The following MDGA1 variants were observed in gnomAD, a reference collection of about 807,000 sequenced individuals.
The protein encoded by MDGA1 is MAM domain containing glycosylphosphatidylinositol anchor 1, also known as MAM domain-containing glycosylphosphatidylinositol anchor protein 1.
MDGA1 carries 54 observed loss-of-function variants against 101.5 expected under a neutral mutation model. The observed-to-expected ratio is 0.53, with a 90% CI of 0.43 to 0.67. MDGA1 has a LOEUF of 0.67. Ranked by LOEUF, MDGA1 falls within the 30% of genes least tolerant of loss-of-function variation. The pLI, the probability that MDGA1 is intolerant of heterozygous loss-of-function variation, is 0.00. For synonymous variants in MDGA1, 533 were observed against 558.3 expected, an observed-to-expected ratio of 0.95 and a Z score of 0.64; for missense variants, 1,083 against 1,323.8, an observed-to-expected ratio of 0.82 and a Z score of 2.82.
intron 8 of MDGA1, 74 bp from the exon 9 acceptor site, chr6:37,649,340 A>G: frequency 7.1e-7 from 1 of 1,406,974 alleles, no homozygotes; most frequent in Non-Finnish European, 9.2e-7. Flanking sequence ...GTGGGGAGGC[A>G]ACGCGCTCGC....
intron 3 of MDGA1, among the ~76,000 whole-genome samples, chr6:37,657,829 G>A (rs1420410166): frequency 6.6e-6 from 1 of 152,162 alleles, no homozygotes; most frequent in East Asian, 1.9e-4. Context: ...AGTAAGGAGG[G>A]AAATCTCAGA....
At chr6:37,647,917 G>C (rs1251997677) in intron 9 of MDGA1, among the ~76,000 whole-genome samples, 1 of 152,176 alleles carries the variant, frequency 6.6e-6, no homozygotes, top group African/African-American at 2.4e-5. Flanking sequence ...GGGCCACTTA[G>C]TCAGTTGGGT....
rs184521808 is a variant in MDGA1, at chr6:37,647,368, G to A, written c.1895-44C>T. 33 of 1,317,598 alleles carry A rather than the reference G, an allele frequency of 2.5e-5. No individual in the cohort carries two copies. The East Asian group carries it at 8.5e-4, about 34-fold the overall frequency. 81.6% of individuals were successfully genotyped at this position (1,317,598 alleles called of 1,614,324 possible). A position where few individuals can be genotyped will look rare whatever the true frequency, so the allele number is the denominator to read the frequency against. ...GGGCATTGGGCCGTGGAGGGTGCAG[G>A]GGAGACACAAAGAGAGGAGGTGTGG... On this transcript the variant is annotated intron_variant, in intron 9 of 16. Coordinates refer to ENST00000434837, the MANE Select transcript of MDGA1 (RefSeq NM_153487.4).
At chr6:37,665,074 T>C (rs1761717451) in intron 1 of MDGA1, among the ~76,000 whole-genome samples, 1 of 152,162 alleles carries the variant, frequency 6.6e-6, no homozygotes, top group Non-Finnish European at 1.5e-5. Context: ...AGGGCTGAGC[T>C]GTGGCCCAGG....
chr6:37,668,069 AGT>A (rs371113588), intron 1 of MDGA1, among the ~76,000 whole-genome samples: 1 of 151,974 alleles, frequency 6.6e-6, no homozygotes, highest in South Asian at 2.1e-4. Context: ...TGGGCAACAT[AGT>A]GAGGCTCTGT....
Position 37,638,614 on chromosome 6 carries a change from C to T in MDGA1, c.2590G>A (p.Ala864Thr), listed in dbSNP as rs376783889. Reference sequence around the variant, plus strand: ...CCCTTATTGCCACTGAGAGACCAGGCGTGCGTGTCCAGAGCCCCTTTGTTC... The same window carrying T: ...CCCTTATTGCCACTGAGAGACCAGGTGTGCGTGTCCAGAGCCCCTTTGTTC... ...SRNKGALDTH[A>T]WSLSGNKGNV... The change falls in exon 15 of 17, where the codon GCC (alanine) becomes ACC (threonine). Residue 864 changes from alanine (A) to threonine (T), a missense_variant. By Grantham distance (58) the Ala-to-Thr change is moderately conservative (BLOSUM62 0). This residue lies in a region of MDGA1 where 657 missense variants were observed against 771.4 expected (regional missense o/e 0.85). Transcript: ENST00000434837. The surrounding 1 kb of genome is among the most constrained non-coding windows in gnomAD (Gnocchi z 4.8). The T allele has an allele frequency of 2.9e-4, 469 of 1,613,976 alleles. No individual in the cohort carries two copies. Among genetic ancestry groups the T allele is most frequent in the South Asian group, 4.5e-4 (41 of 91,084 alleles).
chr6:37,655,618 T>A lies in MDGA1; in HGVS notation c.579+82A>T. ...AATAGAATTGTTGAAGTCAAGGCAG[T>A]CCCAAAAACTCAGCCCCATGCCCCC... On this transcript the variant is annotated intron_variant, in intron 4 of 16. Coordinates refer to ENST00000434837, the MANE Select transcript of MDGA1 (RefSeq NM_153487.4). The surrounding 1 kb of genome is among the most constrained non-coding windows in gnomAD (Gnocchi z 5.1). 1 of 1,044,340 alleles carries A rather than the reference T, an allele frequency of 9.6e-7. No individual in the cohort carries two copies. Among genetic ancestry groups the A allele is most frequent in the Non-Finnish European group, 1.4e-6 (1 of 722,250 alleles). The allele number at this position is 1,044,340 out of a possible 1,614,324, so 64.7% of individuals were successfully genotyped here. A position where few individuals can be genotyped will look rare whatever the true frequency, so the allele number is the denominator to read the frequency against.
At chr6:37,659,127 C>T (rs558233278) in intron 2 of MDGA1, among the ~76,000 whole-genome samples, 2 of 152,296 alleles carry the variant, frequency 1.3e-5, no homozygotes, top group East Asian at 3.9e-4. Context: ...AGTAGATCCT[C>T]CAGTCTCAGT....
chr6:37,644,301 T>C (rs887107192), intron 13 of MDGA1, among the ~76,000 whole-genome samples, 196 bp downstream of exon 13: 2 of 151,936 alleles, frequency 1.3e-5, no homozygotes, highest in Non-Finnish European at 1.5e-5. Context: ...TCCCTGAGGA[T>C]GGGGCTGTGT....
At chr6:37,678,139 C>G (rs187431848) in intron 1 of MDGA1, among the ~76,000 whole-genome samples, 2 of 152,174 alleles carry the variant, frequency 1.3e-5, no homozygotes, top group East Asian at 1.9e-4. Flanking sequence ...ACTTTCACTG[C>G]CCCCCAGTAC....
rs1191718814 is a variant in MDGA1, at chr6:37,655,344, AG to A, written c.579+355del. The A allele has an allele frequency of 3.0e-6, 1 of 332,292 alleles. No individual in the cohort carries two copies. The highest frequency in any genetic ancestry group is 2.1e-5 in the African/African-American group (1 of 48,204). The allele number at this position is 332,292 out of a possible 1,614,324, so 20.6% of individuals were successfully genotyped here. ...CCTGGGACTATCAGGGCCCATGGGA[AG>A]AGGAGTCATCTCCTCGCCCCCAGAT... On this transcript the variant is annotated intron_variant, in intron 4 of 16. Transcript: ENST00000434837. The surrounding 1 kb of genome is among the most constrained non-coding windows in gnomAD (Gnocchi z 5.1).
At chr6:37,656,077 C>CTT (rs11396919) in intron 3 of MDGA1, among the ~76,000 whole-genome samples, 181 bp from the exon 4 acceptor site, 1,606 of 142,058 alleles carry the variant, frequency 0.011, 23 homozygotes, top group South Asian at 0.052. Context: ...GGACTTTTTC[C>CTT]TTTTTTTTTT....
intron 1 of MDGA1, among the ~76,000 whole-genome samples, chr6:37,693,973 T>G (rs1401589302): frequency 6.6e-6 from 1 of 151,802 alleles, no homozygotes; most frequent in Non-Finnish European, 1.5e-5. Context: ...GGACATAGGG[T>G]TCTAGGCACC....
chr6:37,645,541 A>AT (rs1761171213), intron 12 of MDGA1, among the ~76,000 whole-genome samples: 1 of 37,720 alleles, frequency 2.7e-5, no homozygotes, highest in African/African-American at 5.2e-5. Flanking sequence ...ATCTCAAAAG[A>AT]AAAAAAAAGA....
intron 1 of MDGA1, among the ~76,000 whole-genome samples, chr6:37,665,481 A>C (rs1761728693): frequency 1.3e-5 from 2 of 152,342 alleles, no homozygotes; most frequent in Non-Finnish European, 2.9e-5. Context: ...CCCTGCACTT[A>C]AAGAATAAGC....
At chr6:37,654,135 G>C (rs1761427103) in intron 6 of MDGA1, 139 bp downstream of exon 6, 1 of 922,402 alleles carries the variant, frequency 1.1e-6, no homozygotes, top group Non-Finnish European at 1.5e-6. Flanking sequence ...GGAAATCGAA[G>C]GGCGTGGAAC....
At chr6:37,664,819 T>G (rs1396944976) in intron 1 of MDGA1, among the ~76,000 whole-genome samples, 1 of 130,378 alleles carries the variant, frequency 7.7e-6, no homozygotes, top group Non-Finnish European at 1.6e-5. Context: ...TCTCAGGCTT[T>G]GCTTTTAGAG....
chr6:37,640,367 G>A (rs546977625), intron 14 of MDGA1, among the ~76,000 whole-genome samples: 16 of 151,770 alleles, frequency 1.1e-4, no homozygotes, highest in South Asian at 2.1e-4. Flanking sequence ...TTCTTTTTTC[G>A]GAGGGGGCGG....
intron 1 of MDGA1, among the ~76,000 whole-genome samples, chr6:37,684,038 C>T (rs1324730696): frequency 2.6e-5 from 4 of 152,252 alleles, no homozygotes; most frequent in Admixed American, 1.3e-4. Flanking sequence ...ACCCACCACT[C>T]CCCTGGAAAC....
Sources: gnomAD v4.1 joint callset for allele counts (sites outside exome capture counted in the v4.1 genomes callset) on GRCh38, gnomAD v4.1.1 for gene constraint, gnomAD v4.1.1 regional missense constraint, Gnocchi (gnomAD v3.1) non-coding constraint, MANE v1.5 for transcripts, NCBI Gene and HGNC (gene_info 2026-07-23, HGNC 2026-07-21) for gene names.